Variants in DENND6B observed in about 807,000 individuals in gnomAD.
DENND6B encodes the protein protein DENND6B.
In DENND6B, 73 loss-of-function variants were observed where a neutral mutation model predicts 85.1. That is an observed-to-expected ratio of 0.86 (90% confidence interval 0.71 to 1.04). DENND6B has a LOEUF of 1.04. DENND6B is among the 50% of genes least tolerant of loss of function. The pLI is 0.00. For missense variants in DENND6B, 715 were observed against 785.8 expected, an observed-to-expected ratio of 0.91 and a Z score of 1.08; for synonymous variants, 357 against 329.3, an observed-to-expected ratio of 1.08 and a Z score of -0.91.
At chr22:50,314,355 C>G (rs140447345) in intron 12 of DENND6B, 45 bp downstream of exon 12, 5 of 1,574,680 alleles carry the variant, frequency 3.2e-6, no homozygotes, top group Non-Finnish European at 3.4e-6. Flanking sequence ...CCACACTCAA[C>G]GAGGCTTCTG....
At chr22:50,316,675 C>T (rs1306084806) in intron 5 of DENND6B, 200 bp from the exon 6 acceptor site, 3 of 1,501,368 alleles carry the variant, frequency 2.0e-6, no homozygotes, top group African/African-American at 1.4e-5. Flanking sequence ...CAACACTGAA[C>T]TCCCTGGGTG....
At chr22:50,317,683 G>A (rs748138922) in intron 4 of DENND6B, among the ~76,000 whole-genome samples, 9 of 152,166 alleles carry the variant, frequency 5.9e-5, no homozygotes, top group Non-Finnish European at 1.0e-4. Context: ...ACAGATGTGT[G>A]GTGCCAAGGA....
At chr22:50,314,543 T>C (rs746058753) in intron 11 of DENND6B, 49 bp from the exon 12 acceptor site, 1 of 1,553,256 alleles carries the variant, frequency 6.4e-7, no homozygotes. Context: ...TCCAGGGAGG[T>C]GCAGGAAGGG....
At position 50,317,978 on chromosome 22, in the gene DENND6B, C is replaced by T; in HGVS notation, c.302G>A (p.Cys101Tyr). The T allele has an allele frequency of 6.2e-7, 1 of 1,612,600 alleles. No individual in the cohort carries two copies. The highest frequency in any genetic ancestry group is 8.5e-7 in the Non-Finnish European group (1 of 1,179,710). Residue 101 changes from cysteine to tyrosine, a missense_variant, in exon 4 of 20, where the codon TGT becomes TAT. By Grantham distance (194) the Cys-to-Tyr change is radical. Transcript: ENST00000413817. ...DTQFSFRMRQ[C>Y]GGQRSPWHAD... ...ATGCCAGGGGCTCCTCTGCCCTCCA[C>T]ACTGGCGCATGCGGAAGCTGAACTG...
intron 1 of DENND6B, among the ~76,000 whole-genome samples, chr22:50,322,620 G>A (rs994834508): frequency 1.3e-5 from 2 of 152,076 alleles, no homozygotes; most frequent in Admixed American, 6.6e-5. Flanking sequence ...CGTGATCTCC[G>A]CTCACTGCAA....
chr22:50,313,673 GC>G lies in DENND6B; in HGVS notation c.1254del (p.His419ThrfsTer89). The G allele has an allele frequency of 6.3e-7, 1 of 1,597,970 alleles. No homozygotes were observed. Among genetic ancestry groups the G allele is most frequent in the Non-Finnish European group, 8.5e-7 (1 of 1,174,520 alleles). On this transcript the variant is annotated frameshift_variant, in exon 15 of 20. Coordinates refer to ENST00000413817, the MANE Select transcript of DENND6B (RefSeq NM_001001794.4). LOFTEE classifies it high-confidence loss of function. Reference sequence around the variant, plus strand: ...AAGCTCTGGGTGAGCTCCAGGAGGTGCCGCCGCAGCAGGGCGCTCTGCACAT... The same window carrying G: ...AAGCTCTGGGTGAGCTCCAGGAGGTGCGCCGCAGCAGGGCGCTCTGCACAT... ...PSDVQSALLR[R>X]HLLELTQSFI...
At position 50,326,993 on chromosome 22, in the gene DENND6B, G is replaced by C. The variant is rs1189170740; in HGVS notation, c.-5C>G. On this transcript the variant is annotated 5_prime_UTR_variant, in exon 1 of 20. Coordinates refer to ENST00000413817, the MANE Select transcript of DENND6B (RefSeq NM_001001794.4). ...TGTGCCCAACAGCGCGTCCATGGCGGCGGCCGCGGGTTGCCGGGGAAACGC... is the reference window on the plus strand; with the variant it reads ...TGTGCCCAACAGCGCGTCCATGGCGCCGGCCGCGGGTTGCCGGGGAAACGC... 1.7e-6 allele frequency: 2 copies of C among 1,188,412 alleles called. No homozygotes were observed. Among genetic ancestry groups the C allele is most frequent in the African/African-American group, 1.6e-5 (1 of 62,436 alleles). 73.6% of individuals were successfully genotyped at this position (1,188,412 alleles called of 1,614,324 possible).
chr22:50,313,738 AG>A lies in DENND6B; in HGVS notation c.1204-15del. The A allele has an allele frequency of 6.2e-7, 1 of 1,604,890 alleles. No homozygotes were observed. Among genetic ancestry groups the A allele is most frequent in the Non-Finnish European group, 8.5e-7 (1 of 1,177,150 alleles). ...CTTCTGCACGCCCTGCAGGGGAGAG[AG>A]GGCCAGGCCCTTGCTGCGCTTCACA... On this transcript the variant is annotated splice_polypyrimidine_tract_variant and intron_variant, in intron 14 of 19. Transcript: ENST00000413817.
Position 50,315,724 on chromosome 22 carries a change from C to A in DENND6B, c.748G>T (p.Asp250Tyr). ...PVVLASVHEL[D>Y]LFRCFRPVLT... is the part of the protein sequence containing the mutation. ...CCCTAGGGGGCTCACCTGAACAGGT[C>A]CAGCTCGTGGACGCTAGCAAGAACC... Residue 250 changes from aspartate (D) to tyrosine (Y), a missense_variant, in exon 9 of 20, where the codon GAC (aspartate) becomes TAC (tyrosine). By Grantham distance (160) the Asp-to-Tyr change is radical. Transcript: ENST00000413817. 6.4e-7 allele frequency: 1 copy of A among 1,562,638 alleles called. No homozygotes were observed. Among genetic ancestry groups the A allele is most frequent in the Non-Finnish European group, 8.7e-7 (1 of 1,155,244 alleles).
At chr22:50,317,454 T>C (rs932939307) in intron 4 of DENND6B, 81 bp from the exon 5 acceptor site, 4 of 1,469,588 alleles carry the variant, frequency 2.7e-6, no homozygotes, top group Admixed American at 1.8e-5. Flanking sequence ...GCAAGGAGCA[T>C]GCAGGGACTG....
chr22:50,313,993 G>A, intron 13 of DENND6B, 115 bp from the exon 14 acceptor site: 2 of 1,385,104 alleles, frequency 1.4e-6, no homozygotes, highest in Non-Finnish European at 9.5e-7. Context: ...CCATGCCCTT[G>A]GCTGCACCTG....
chr22:50,324,446 CAG>C (rs951827245), intron 1 of DENND6B, among the ~76,000 whole-genome samples: 2 of 152,150 alleles, frequency 1.3e-5, no homozygotes, highest in Non-Finnish European at 2.9e-5. Context: ...TTTTTTGAGA[CAG>C]AGTTTCACTC....
At chr22:50,323,894 G>A (rs542474849) in intron 1 of DENND6B, among the ~76,000 whole-genome samples, 1 of 151,908 alleles carries the variant, frequency 6.6e-6, no homozygotes, top group South Asian at 2.1e-4. Context: ...CACCACACCT[G>A]GCTAATTTAT....
intron 1 of DENND6B, 63 bp downstream of exon 1, chr22:50,326,749 G>A: frequency 7.8e-7 from 1 of 1,283,892 alleles, no homozygotes. Flanking sequence ...CAAGCGAGGC[G>A]GGACTGGCCC....
At chr22:50,321,234 C>T (rs2042033234) in intron 1 of DENND6B, among the ~76,000 whole-genome samples, 1 of 152,172 alleles carries the variant, frequency 6.6e-6, no homozygotes, top group South Asian at 2.1e-4. Flanking sequence ...TGTGTGAGAG[C>T]CTCCTCTCTC....
In DENND6B at chr22:50,313,901, G is replaced by A. The variant is rs187080634; in HGVS notation, c.1139-23C>T. 186 of 1,595,974 alleles carry A rather than the reference G, an allele frequency of 1.2e-4. No individual in the cohort carries two copies. The East Asian group carries it at 2.8e-3, about 24-fold the overall frequency. ...GGCCTGGCGGGAGGGCACAGCTGGC[G>A]CCCCACCCTTCAAGGGCCTCCCTCC... is the stretch of plus-strand genomic sequence containing the variant. On this transcript the variant is annotated intron_variant, in intron 13 of 19. Coordinates refer to ENST00000413817, the MANE Select transcript of DENND6B (RefSeq NM_001001794.4).
intron 16 of DENND6B, 103 bp from the exon 17 acceptor site, chr22:50,313,211 C>T: frequency 1.6e-6 from 2 of 1,252,516 alleles, no homozygotes; most frequent in Admixed American, 2.1e-5. Context: ...AGACCCCCAG[C>T]CCCCACCCTG....
chr22:50,326,871 C>G lies in DENND6B; in HGVS notation c.118G>C (p.Ala40Pro). ...ACCACGCACACACACTCCAGCCAGGCGGAGAAGCGCGCCCAGGGCGCCGCC... is the reference window on the plus strand; with the variant it reads ...ACCACGCACACACACTCCAGCCAGGGGGAGAAGCGCGCCCAGGGCGCCGCC... ...TPAAPWARFS[A>P]WLECVCVVTF... The change falls in exon 1 of 20, where the codon GCC becomes CCC. Residue 40 changes from alanine to proline, a missense_variant. Physicochemically the swap from Ala to Pro is conservative, Grantham distance 27. Transcript: ENST00000413817. 1 of 1,422,940 alleles carries G rather than the reference C, an allele frequency of 7.0e-7. No homozygotes were observed. Among genetic ancestry groups the G allele is most frequent in the Non-Finnish European group, 9.2e-7 (1 of 1,089,406 alleles). The allele number at this position is 1,422,940 out of a possible 1,614,324, so 88.1% of individuals were successfully genotyped here.
chr22:50,313,473 G>T lies in DENND6B; in HGVS notation c.1320C>A (p.Pro440=). The part of the protein sequence containing the change: ...PLEHYMASLM[P]LQKSITPWKT... ...TCCAGGGCGTGATGCTCTTCTGCAGGGGCATGAGGCTGGCCATGTAGTGCT... is the reference window on the plus strand; with the variant it reads ...TCCAGGGCGTGATGCTCTTCTGCAGTGGCATGAGGCTGGCCATGTAGTGCT... The change falls in exon 16 of 20, where the codon CCC becomes CCA. Residue 440 remains proline (P), a synonymous_variant. Coordinates refer to ENST00000413817, the MANE Select transcript of DENND6B (RefSeq NM_001001794.4). 6.4e-7 allele frequency: 1 copy of T among 1,551,368 alleles called. No homozygotes were observed. Among genetic ancestry groups the T allele is most frequent in the Non-Finnish European group, 8.7e-7 (1 of 1,148,746 alleles).
Sources: allele counts gnomAD v4.1 joint callset (sites outside exome capture counted in the v4.1 genomes callset), GRCh38; gene constraint gnomAD v4.1.1; transcripts MANE v1.5; gene names NCBI Gene and HGNC (gene_info 2026-07-23, HGNC 2026-07-21).